Variants in ANKFN1 observed in about 807,000 individuals in gnomAD.
The protein encoded by ANKFN1 is ankyrin repeat and fibronectin type III domain containing 1, also known as ankyrin repeat and fibronectin type-III domain-containing protein 1.
In ANKFN1, 74 loss-of-function variants were observed where a neutral mutation model predicts 108.7. The ratio of observed to expected loss-of-function variants is 0.68; its 90% confidence interval spans 0.56 to 0.83. ANKFN1 has a LOEUF of 0.83. ANKFN1 is among the 40% of genes least tolerant of loss of function. ANKFN1 has a pLI of 0.00. For missense variants in ANKFN1, 1,505 were observed against 1,382.3 expected (o/e 1.09, Z -1.41); for synonymous variants, 547 against 516.2 (o/e 1.06, Z -0.81).
At chr17:56,425,962 A>G (rs1486243781) in intron 8 of ANKFN1, among the ~76,000 whole-genome samples, 1 of 152,218 alleles carries the variant, frequency 6.6e-6, no homozygotes, top group Non-Finnish European at 1.5e-5. Context: ...AGTCTGATGA[A>G]TCAGTCAGCC....
At position 56,480,728 on chromosome 17, in the gene ANKFN1, T is replaced by C; in HGVS notation, c.2001T>C (p.His667=). 6.2e-7 allele frequency: 1 copy of C among 1,614,020 alleles called. No homozygotes were observed. The highest frequency in any genetic ancestry group is 8.5e-7 in the Non-Finnish European group (1 of 1,179,950). ...SGSESMESVD[H]TSDCPMQLFF... ...CTGAATCTATGGAAAGTGTGGATCA[T>C]ACTTCTGACTGCCCCATGCAATTGT... The change falls in exon 17 of 21, where the codon CAT becomes CAC. Residue 667 remains histidine, a synonymous_variant. Coordinates refer to ENST00000682825, the MANE Select transcript of ANKFN1 (RefSeq NM_001370326.1).
intron 6 of ANKFN1, among the ~76,000 whole-genome samples, chr17:56,365,652 A>T (rs1387478990): frequency 1.3e-5 from 2 of 152,336 alleles, no homozygotes; most frequent in East Asian, 3.9e-4. Flanking sequence ...ATGGTAAGCT[A>T]TGTATATGAA....
intron 3 of ANKFN1, among the ~76,000 whole-genome samples, chr17:56,260,163 C>T (rs549316246): frequency 2.6e-4 from 39 of 152,296 alleles, no homozygotes; most frequent in African/African-American, 9.1e-4. Flanking sequence ...ATGTGACTTC[C>T]TGTTTTGCAG....
At position 56,374,723 on chromosome 17, in the gene ANKFN1, C is replaced by T. The variant is rs373634759; in HGVS notation, c.910+9C>T. The T allele has an allele frequency of 9.4e-6, 15 of 1,588,312 alleles. No individual in the cohort carries two copies. In the South Asian group the frequency reaches 1.1e-4, roughly 12 times the overall value. ...AGTAACCAGGTATAAAGGTACTGGA[C>T]CCAAGACATGTTTTCATCACTCCTT... On this transcript the variant is annotated intron_variant, in intron 8 of 20. Transcript: ENST00000682825.
rs75585052 is a variant in ANKFN1, at chr17:56,105,914, A to G, written c.288+59589A>G. The stretch of plus-strand genomic sequence containing the variant: ...GGTGGTGTTACTGGGGAGAGGAGGT[A>G]AAGGCACGGGATGCTGCTAAGTATC... On this transcript the variant is annotated intron_variant, in intron 4 of 12. Transcript: ENST00000635860. Among the ~76,000 whole-genome samples the G allele has an allele frequency of 1.2e-3, 182 of 152,142 alleles. 2 individuals carry two copies. The East Asian group carries it at 0.018, about 15-fold the overall frequency.
intron 5 of ANKFN1, 72 bp from the exon 6 acceptor site, chr17:56,353,764 C>A: frequency 2.1e-6 from 3 of 1,422,566 alleles, no homozygotes; most frequent in Non-Finnish European, 3.0e-6. Flanking sequence ...AGTCTTTAAA[C>A]TTCAAAAGAG....
intron 8 of ANKFN1, among the ~76,000 whole-genome samples, chr17:56,402,253 G>A (rs534652030): frequency 3.9e-5 from 6 of 152,064 alleles, no homozygotes; most frequent in Non-Finnish European, 7.4e-5. Context: ...TTATGGAATA[G>A]TGACAAAAGG....
chr17:56,391,183 A>T (rs1329548296), intron 8 of ANKFN1, among the ~76,000 whole-genome samples: 1 of 142,658 alleles, frequency 7.0e-6, no homozygotes, highest in Non-Finnish European at 1.5e-5. Context: ...ATCAAATCTG[A>T]GTCTTTGCAG....
intron 7 of ANKFN1, 42 bp from the exon 8 acceptor site, chr17:56,374,559 A>G (rs1416754517): frequency 2.8e-6 from 4 of 1,440,534 alleles, no homozygotes; most frequent in Non-Finnish European, 3.9e-6. Context: ...TTTGAAAAGG[A>G]TTTGCTATGT....
chr17:56,058,047 C>A (rs1904911237), intron 4 of ANKFN1, among the ~76,000 whole-genome samples: 1 of 152,168 alleles, frequency 6.6e-6, no homozygotes, highest in Non-Finnish European at 1.5e-5. Flanking sequence ...TGCTGTCTGT[C>A]ATTTAGGCAT....
intron 8 of ANKFN1, among the ~76,000 whole-genome samples, chr17:56,426,235 T>C (rs1178766261): frequency 6.6e-6 from 1 of 152,200 alleles, no homozygotes; most frequent in African/African-American, 2.4e-5. Context: ...ACATAAAATT[T>C]TTCAAAATCT....
chr17:56,478,958 G>A (rs115250472), intron 16 of ANKFN1, among the ~76,000 whole-genome samples: 1 of 152,092 alleles, frequency 6.6e-6, no homozygotes, highest in South Asian at 2.1e-4. Context: ...ATGATGATGA[G>A]GAGGAGGAGG....
chr17:56,394,320 A>C (rs2047518362), intron 8 of ANKFN1, among the ~76,000 whole-genome samples: 1 of 152,190 alleles, frequency 6.6e-6, no homozygotes, highest in South Asian at 2.1e-4. Flanking sequence ...AAGTTTCTGC[A>C]AAGGTGATTA....
chr17:56,079,201 G>A (rs1375906977), intron 4 of ANKFN1, among the ~76,000 whole-genome samples: 1 of 152,214 alleles, frequency 6.6e-6, no homozygotes, highest in East Asian at 1.9e-4. Context: ...GGCCTTTCAT[G>A]CCACAAGGCA....
intron 1 of ANKFN1, among the ~76,000 whole-genome samples, chr17:56,176,454 A>G (rs1456084539): frequency 6.6e-6 from 1 of 152,220 alleles, no homozygotes; most frequent in South Asian, 2.1e-4. Flanking sequence ...TTGGGAATGC[A>G]CGGGATCGGA....
At chr17:56,244,258 A>G (rs893268278) in intron 3 of ANKFN1, among the ~76,000 whole-genome samples, 1 of 152,174 alleles carries the variant, frequency 6.6e-6, no homozygotes, top group African/African-American at 2.4e-5. Flanking sequence ...ATAAAAAAAG[A>G]CAAGACAATG....
intron 4 of ANKFN1, among the ~76,000 whole-genome samples, chr17:56,345,402 A>G (rs1213733914): frequency 6.6e-6 from 1 of 152,186 alleles, no homozygotes; most frequent in Non-Finnish European, 1.5e-5. Context: ...CTTTGGGTAT[A>G]TATCCAGTAA....
rs1044944235 is a variant in ANKFN1 at position 56,513,197 on chromosome 17, T to G, written c.*1928T>G. Among the ~76,000 whole-genome samples the G allele has an allele frequency of 2.0e-5, 3 of 152,222 alleles. No individual in the cohort carries two copies. Among genetic ancestry groups the G allele is most frequent in the Non-Finnish European group, 4.4e-5 (3 of 68,044 alleles). On this transcript the variant is annotated 3_prime_UTR_variant, in exon 21 of 21. Transcript: ENST00000682825. The stretch of plus-strand genomic sequence containing the variant: ...GTCCCATTGGGAATTGGTCCACACC[T>G]AGTTACCTCTTGATTGTTATCTACA...
chr17:56,103,221 G>T (rs1300576708), intron 4 of ANKFN1, among the ~76,000 whole-genome samples: 1 of 152,194 alleles, frequency 6.6e-6, no homozygotes, highest in Non-Finnish European at 1.5e-5. Context: ...ATTCTGCCAT[G>T]CTATGTATCC....
Sources: gnomAD v4.1 joint callset for allele counts (sites outside exome capture counted in the v4.1 genomes callset) on GRCh38, gnomAD v4.1.1 for gene constraint, MANE v1.5 for transcripts, NCBI Gene and HGNC (gene_info 2026-07-23, HGNC 2026-07-21) for gene names.